NKAIN2: variants seen among roughly 807,000 people sequenced by gnomAD.
NKAIN2 encodes sodium/potassium-transporting ATPase subunit beta-1-interacting protein 2.
In NKAIN2, 14 loss-of-function variants were observed where a neutral mutation model predicts 32.6. The observed-to-expected ratio is 0.43, with a 90% CI of 0.28 to 0.67. The LOEUF is 0.67. Ranked by LOEUF, NKAIN2 falls within the 30% of genes least tolerant of loss-of-function variation. The pLI is 0.17. For missense variants in NKAIN2, 198 were observed against 258.3 expected (o/e 0.77, Z 1.60); for synonymous variants, 80 against 87.2 (o/e 0.92, Z 0.46).
At chr6:124,296,454 T>C (rs1162052712) in intron 2 of NKAIN2, among the ~76,000 whole-genome samples, 5 of 152,128 alleles carry the variant, frequency 3.3e-5, no homozygotes, top group Admixed American at 6.6e-5. Context: ...CAAATAAATG[T>C]CCAAGCAGAA....
At chr6:124,379,845 G>A (rs921779755) in intron 3 of NKAIN2, among the ~76,000 whole-genome samples, 6 of 152,050 alleles carry the variant, frequency 3.9e-5, no homozygotes, top group African/African-American at 1.2e-4. Flanking sequence ...CAATCCCAGT[G>A]TCCCTTACCT....
intron 4 of NKAIN2, among the ~76,000 whole-genome samples, chr6:124,771,461 G>C (rs995333622): frequency 1.3e-5 from 2 of 152,044 alleles, no homozygotes; most frequent in African/African-American, 4.8e-5. Flanking sequence ...AGTGAATTTT[G>C]TTGTATCAAT....
At chr6:124,396,438 A>AAAG (rs974928887) in intron 3 of NKAIN2, among the ~76,000 whole-genome samples, 16 of 151,662 alleles carry the variant, frequency 1.1e-4, no homozygotes, top group African/African-American at 3.9e-4. Flanking sequence ...TAAAAAAAAA[A>AAAG]AAAAGAAAAG....
intron 4 of NKAIN2, among the ~76,000 whole-genome samples, chr6:124,688,306 G>GT (rs1474433447): frequency 9.2e-5 from 14 of 151,840 alleles, no homozygotes; most frequent in Non-Finnish European, 1.6e-4. Context: ...TCCCAGGCCT[G>GT]TTTTTTCTTA....
intron 4 of NKAIN2, among the ~76,000 whole-genome samples, chr6:124,679,411 CA>C (rs1167489191): frequency 3.9e-5 from 6 of 152,114 alleles, no homozygotes; most frequent in Non-Finnish European, 8.8e-5. Context: ...GAATGTCGGA[CA>C]TATTTCAGCT....
intron 3 of NKAIN2, among the ~76,000 whole-genome samples, chr6:124,566,639 C>G (rs1174110365): frequency 1.3e-5 from 2 of 152,084 alleles, no homozygotes; most frequent in Non-Finnish European, 2.9e-5. Context: ...TTTTGGTACT[C>G]AAAAAGTCTG....
intron 1 of NKAIN2, among the ~76,000 whole-genome samples, chr6:124,273,720 G>C (rs1345793227): frequency 2.6e-5 from 4 of 152,084 alleles, no homozygotes; most frequent in Admixed American, 2.6e-4. Context: ...AAAAGCCCAT[G>C]GCCATTCCTC....
intron 1 of NKAIN2, among the ~76,000 whole-genome samples, chr6:124,262,614 C>CA (rs1417200674): frequency 1.3e-5 from 2 of 152,024 alleles, no homozygotes; most frequent in Non-Finnish European, 2.9e-5. Context: ...GAGCTTAAGC[C>CA]AAAAGCTAAA....
chr6:124,053,907 GAAC>G (rs1180241724), intron 1 of NKAIN2, among the ~76,000 whole-genome samples: 1 of 151,990 alleles, frequency 6.6e-6, no homozygotes, highest in Non-Finnish European at 1.5e-5. Flanking sequence ...AGACTGGTGA[GAAC>G]AACAGTAAGA....
At chr6:124,801,158 C>T (rs1413129129) in intron 5 of NKAIN2, among the ~76,000 whole-genome samples, 1 of 152,094 alleles carries the variant, frequency 6.6e-6, no homozygotes, top group East Asian at 1.9e-4. Flanking sequence ...TTTCCAATTG[C>T]CATTTTCAGC....
intron 2 of NKAIN2, among the ~76,000 whole-genome samples, chr6:124,354,303 C>T (rs1798868684): frequency 6.6e-6 from 1 of 152,100 alleles, no homozygotes; most frequent in Admixed American, 6.5e-5. Flanking sequence ...AGGAGGAATT[C>T]ATCATTGGTC....
At chr6:123,809,411 A>T (rs912507275) in intron 1 of NKAIN2, among the ~76,000 whole-genome samples, 45 of 152,134 alleles carry the variant, frequency 3.0e-4, no homozygotes, top group Admixed American at 1.0e-3. Flanking sequence ...ATAAAATTAT[A>T]TGAAGCATTT....
intron 3 of NKAIN2, among the ~76,000 whole-genome samples, chr6:124,524,084 T>C (rs934764278): frequency 2.6e-5 from 4 of 152,170 alleles, no homozygotes; most frequent in African/African-American, 9.7e-5. Flanking sequence ...CTTTTTCAGA[T>C]GTTGTATGTG....
intron 3 of NKAIN2, among the ~76,000 whole-genome samples, chr6:124,435,173 A>G (rs1012773770): frequency 3.3e-5 from 5 of 152,256 alleles, no homozygotes; most frequent in African/African-American, 9.6e-5. Flanking sequence ...GATAACTAGA[A>G]GGAATATGGC....
chr6:123,841,185 A>G lies in NKAIN2; in HGVS notation c.54+36931A>G, dbSNP rs182488716. On this transcript the variant is annotated intron_variant, in intron 1 of 6. Coordinates refer to ENST00000368417, the MANE Select transcript of NKAIN2 (RefSeq NM_001040214.3). Reference sequence around the variant, plus strand: ...AATAGAAGAAGAAAAAGAAGCTTAAACATCTTCTTTTTTCTTTTGCACCGT... The same window carrying G: ...AATAGAAGAAGAAAAAGAAGCTTAAGCATCTTCTTTTTTCTTTTGCACCGT... 9.7e-4 allele frequency among the ~76,000 whole-genome samples: 148 copies of G among 152,278 alleles called. 1 individual carries two copies. In the East Asian group the frequency reaches 0.022, roughly 22 times the overall value.
chr6:123,879,371 C>T (rs541859478), intron 1 of NKAIN2, among the ~76,000 whole-genome samples: 1 of 152,268 alleles, frequency 6.6e-6, no homozygotes, highest in African/African-American at 2.4e-5. Context: ...CATATTCTGT[C>T]CTGTATGTCC....
At chr6:124,551,657 C>G (rs1780292263) in intron 3 of NKAIN2, among the ~76,000 whole-genome samples, 1 of 152,112 alleles carries the variant, frequency 6.6e-6, no homozygotes, top group African/African-American at 2.4e-5. Flanking sequence ...CACAAGGTCA[C>G]TAAAATAACA....
intron 3 of NKAIN2, among the ~76,000 whole-genome samples, chr6:124,480,905 A>G (rs1201728397): frequency 6.6e-6 from 1 of 152,134 alleles, no homozygotes; most frequent in African/African-American, 2.4e-5. Flanking sequence ...CTGAAATAAG[A>G]TATATATTGC....
At chr6:124,538,270 A>T (rs1263809456) in intron 3 of NKAIN2, among the ~76,000 whole-genome samples, 1 of 151,810 alleles carries the variant, frequency 6.6e-6, no homozygotes, top group Non-Finnish European at 1.5e-5. Flanking sequence ...TGTAGGGAAG[A>T]CTACCTTAGT....
Sources: allele counts gnomAD v4.1 joint callset (sites outside exome capture counted in the v4.1 genomes callset), GRCh38; gene constraint gnomAD v4.1.1; transcripts MANE v1.5; gene names NCBI Gene and HGNC (gene_info 2026-07-23, HGNC 2026-07-21).